Variants in SEMA3A observed in about 807,000 individuals in gnomAD.
SEMA3A encodes the protein semaphorin-3A.
In SEMA3A, 29 loss-of-function variants were observed where a neutral mutation model predicts 97.9. That is an observed-to-expected ratio of 0.30 (90% CI 0.22 to 0.40). SEMA3A has a LOEUF of 0.40. Among genes scored for constraint, SEMA3A ranks in the 10% least tolerant of loss-of-function variants. The probability of loss-of-function intolerance (pLI) is 1.00; values close to 1 mark genes in which losing one functional copy is unlikely to be tolerated. For synonymous variants in SEMA3A, 321 were observed against 323.7 expected (o/e 0.99, Z 0.09); for missense variants, 763 against 951.3 (o/e 0.80, Z 2.60).
intron 12 of SEMA3A, among the ~76,000 whole-genome samples, chr7:83,994,939 C>A (rs1352683834): frequency 6.6e-6 from 1 of 152,072 alleles, no homozygotes; most frequent in Non-Finnish European, 1.5e-5. Context: ...GCAGTTTGAT[C>A]TCAGACTGCT....
chr7:84,387,495 T>C (rs1803430072), intron 1 of SEMA3A, among the ~76,000 whole-genome samples: 1 of 152,194 alleles, frequency 6.6e-6, no homozygotes. Context: ...GCTCACAATA[T>C]TTAATTTTGT....
intron 13 of SEMA3A, 67 bp downstream of exon 13, chr7:83,985,369 T>C: frequency 9.3e-7 from 1 of 1,078,608 alleles, no homozygotes; most frequent in Non-Finnish European, 1.4e-6. Context: ...GATAAATAGA[T>C]ATATCTATTG....
chr7:84,395,473 G>T (rs922085782), intron 1 of SEMA3A, among the ~76,000 whole-genome samples: 3 of 152,022 alleles, frequency 2.0e-5, no homozygotes, highest in East Asian at 1.9e-4. Flanking sequence ...TTTCAGGAAG[G>T]TTTAAACATT....
chr7:84,363,315 G>T (rs1453899829), intron 2 of SEMA3A, among the ~76,000 whole-genome samples: 1 of 151,906 alleles, frequency 6.6e-6, no homozygotes, highest in African/African-American at 2.4e-5. Context: ...GTGATCTAAA[G>T]TTTCATGACA....
At chr7:84,406,274 T>C (rs1804084493) in intron 1 of SEMA3A, among the ~76,000 whole-genome samples, 1 of 152,162 alleles carries the variant, frequency 6.6e-6, no homozygotes, top group Non-Finnish European at 1.5e-5. Context: ...TAAACACCTC[T>C]AGGCAAATAA....
At chr7:84,065,509 T>G (rs1321783564) in intron 4 of SEMA3A, among the ~76,000 whole-genome samples, 8 of 149,740 alleles carry the variant, frequency 5.3e-5, no homozygotes, top group African/African-American at 2.0e-4. Flanking sequence ...TCAACAAAAT[T>G]GATAGACCGC....
chr7:84,311,099 T>C (rs1385833540), intron 2 of SEMA3A, among the ~76,000 whole-genome samples: 1 of 151,844 alleles, frequency 6.6e-6, no homozygotes, highest in Non-Finnish European at 1.5e-5. Flanking sequence ...AACAATCTTA[T>C]CTTTAAACAT....
chr7:84,172,710 G>C (rs925584332), intron 1 of SEMA3A, among the ~76,000 whole-genome samples: 1 of 152,118 alleles, frequency 6.6e-6, no homozygotes, highest in African/African-American at 2.4e-5. Flanking sequence ...ACAGGCGTGG[G>C]CCACTGCACC....
At chr7:83,963,060 C>T in intron 16 of SEMA3A, 145 bp downstream of exon 16, 4 of 862,764 alleles carry the variant, frequency 4.6e-6, no homozygotes, top group Non-Finnish European at 7.4e-6. Context: ...CTGCACTAAA[C>T]ACTTGTTCAA....
intron 4 of SEMA3A, among the ~76,000 whole-genome samples, chr7:84,077,437 A>G (rs1337581292): frequency 1.3e-5 from 2 of 152,048 alleles, no homozygotes; most frequent in African/African-American, 4.8e-5. Context: ...CTAAATGTAA[A>G]TATGTCAACA....
At chr7:84,263,941 C>A (rs186582993) in intron 3 of SEMA3A, among the ~76,000 whole-genome samples, 11 of 152,222 alleles carry the variant, frequency 7.2e-5, no homozygotes, top group Middle Eastern at 6.8e-3. Context: ...ACAATGTATT[C>A]TGGCATATTT....
chr7:84,083,746 A>G (rs1026729385), intron 4 of SEMA3A, among the ~76,000 whole-genome samples: 1 of 152,170 alleles, frequency 6.6e-6, no homozygotes, highest in South Asian at 2.1e-4. Context: ...AGTAATAAAG[A>G]CTTTTTATCT....
intron 3 of SEMA3A, among the ~76,000 whole-genome samples, chr7:84,287,998 T>C (rs943404734): frequency 3.0e-4 from 46 of 152,340 alleles, no homozygotes; most frequent in East Asian, 1.9e-4. Flanking sequence ...GAATCATCAC[T>C]GCACCACATG....
intron 1 of SEMA3A, among the ~76,000 whole-genome samples, chr7:84,485,109 G>A (rs2116442074): frequency 6.6e-6 from 1 of 152,160 alleles, no homozygotes; most frequent in South Asian, 2.1e-4. Context: ...GATAATGTAA[G>A]CCACATGACC....
At chr7:84,256,802 A>C (rs1799728559) in intron 3 of SEMA3A, among the ~76,000 whole-genome samples, 1 of 152,012 alleles carries the variant, frequency 6.6e-6, no homozygotes, top group African/African-American at 2.4e-5. Flanking sequence ...AGTATTCTAA[A>C]CCCTATAATG....
intron 3 of SEMA3A, among the ~76,000 whole-genome samples, chr7:84,282,661 C>G (rs1283650524): frequency 6.6e-6 from 1 of 152,048 alleles, no homozygotes; most frequent in Non-Finnish European, 1.5e-5. Context: ...TAGCTGTGCT[C>G]TCTCTCACAC....
At chr7:84,209,773 A>G (rs1352886336) in intron 3 of SEMA3A, among the ~76,000 whole-genome samples, 1 of 152,190 alleles carries the variant, frequency 6.6e-6, no homozygotes, top group Non-Finnish European at 1.5e-5. Context: ...TGATAGCCCC[A>G]ATAACAACAT....
chr7:84,167,236 G>A (rs910382080), intron 1 of SEMA3A, among the ~76,000 whole-genome samples: 1 of 152,140 alleles, frequency 6.6e-6, no homozygotes, highest in Non-Finnish European at 1.5e-5. Context: ...TGGTTGATAT[G>A]TCTAGGTGGC....
At position 83,992,006 on chromosome 7, in the gene SEMA3A, T is replaced by C. The variant is rs1441020877; in HGVS notation, c.1453-6529A>G. ...ATTGCCACAATTTCAGATCCTGTTA[T>C]TGGTCTATTCAGAGATTCAACTTCT... On this transcript the variant is annotated intron_variant, in intron 12 of 16. Coordinates refer to ENST00000265362, the MANE Select transcript of SEMA3A (RefSeq NM_006080.3). Among the ~76,000 whole-genome samples, 3 of 141,916 alleles carry C rather than the reference T, an allele frequency of 2.1e-5. No individual in the cohort carries two copies. The Admixed American group carries it at 2.2e-4, about 10-fold the overall frequency. 93.1% of individuals were successfully genotyped at this position (141,916 alleles called of 152,430 possible). A position where few individuals can be genotyped will look rare whatever the true frequency, so the allele number is the denominator to read the frequency against.
Sources: gnomAD v4.1 joint callset for allele counts (sites outside exome capture counted in the v4.1 genomes callset) on GRCh38, gnomAD v4.1.1 for gene constraint, MANE v1.5 for transcripts, NCBI Gene and HGNC (gene_info 2026-07-23, HGNC 2026-07-21) for gene names.